Variants in MAPK6 observed in about 807,000 individuals in gnomAD.
MAPK6 encodes the protein ERK-3.
In MAPK6, 19 loss-of-function variants were observed where a neutral mutation model predicts 59.3. That is an observed-to-expected ratio of 0.32 (90% CI 0.22 to 0.47). The LOEUF is 0.47. MAPK6 is among the 20% of genes least tolerant of loss of function. MAPK6 has a pLI of 1.00. For missense variants in MAPK6, 724 were observed against 847.9 expected (o/e 0.85, Z 1.81); for synonymous variants, 316 against 290.3 (o/e 1.09, Z -0.90).
At chr15:51,980,491 C>G (rs933183321) in intron 1 of MAPK6, among the ~76,000 whole-genome samples, 6 of 146,962 alleles carry the variant, frequency 4.1e-5, no homozygotes, top group Non-Finnish European at 9.0e-5. Flanking sequence ...ATTTTCCTAC[C>G]AGTTTGGTAT....
chr15:51,978,324 G>A lies in MAPK6; in HGVS notation c.-879-4882G>A, dbSNP rs192175171. Among the ~76,000 whole-genome samples, 134 of 151,886 alleles carry A rather than the reference G, an allele frequency of 8.8e-4. 1 individual carries two copies. The highest frequency in any genetic ancestry group is 3.2e-3 in the Admixed American group (49 of 15,242). ...ATTTTTTGTATTTTTAGTAGAGACA[G>A]GGTTTTGGGATGTTGGCCAGGCTGG... On this transcript the variant is annotated intron_variant, in intron 1 of 7. Transcript: ENST00000691380.
chr15:51,973,754 G>A (rs1449987955), intron 1 of MAPK6, among the ~76,000 whole-genome samples: 2 of 151,832 alleles, frequency 1.3e-5, no homozygotes. Flanking sequence ...CCGGGTTCGA[G>A]TGATTCTCCT....
chr15:52,020,121 C>T (rs2030462093), intron 1 of MAPK6: 1 of 152,246 alleles, frequency 6.6e-6, no homozygotes, highest in Admixed American at 6.5e-5. Flanking sequence ...AAGTGGTGGT[C>T]TGTAAAAGTG....
chr15:51,975,866 A>T (rs1373602464), intron 1 of MAPK6, among the ~76,000 whole-genome samples: 2 of 151,922 alleles, frequency 1.3e-5, no homozygotes, highest in Non-Finnish European at 2.9e-5. Context: ...CATGATATTC[A>T]CTAACAGTCT....
chr15:52,003,420 TTTGGGCAACCCAGAAAAGGCACATCTTC>T (rs1275182836), intron 2 of MAPK6, among the ~76,000 whole-genome samples: 3 of 152,148 alleles, frequency 2.0e-5, no homozygotes, highest in Non-Finnish European at 4.4e-5. Context: ...AGTCATCAGA[TTTGGGCAACCCAGAAAAGGCACATCTTC>T]TTGGGCAAGG....
At chr15:52,056,397 G>A (rs556525572) in intron 3 of MAPK6, among the ~76,000 whole-genome samples, 3 of 152,254 alleles carry the variant, frequency 2.0e-5, no homozygotes, top group Non-Finnish European at 4.4e-5. Context: ...CTCAGCTACT[G>A]CCACATACTA....
At chr15:51,987,136 A>G (rs2057193301) in intron 2 of MAPK6, among the ~76,000 whole-genome samples, 1 of 152,228 alleles carries the variant, frequency 6.6e-6, no homozygotes, top group South Asian at 2.1e-4. Flanking sequence ...ACTGGAGATT[A>G]TGGGAGAATT....
intron 1 of MAPK6, among the ~76,000 whole-genome samples, chr15:52,038,996 C>G (rs1045604492): frequency 2.6e-5 from 4 of 152,126 alleles, no homozygotes; most frequent in Non-Finnish European, 4.4e-5. Flanking sequence ...TTTTGAATTT[C>G]TAATATGAAT....
At chr15:52,039,509 CTTTTTTTTTTTT>C (rs11341546) in intron 1 of MAPK6, among the ~76,000 whole-genome samples, 4 of 85,880 alleles carry the variant, frequency 4.7e-5, no homozygotes, top group South Asian at 3.9e-4. Context: ...AGTGTTTTGT[CTTTTTTTTTTTT>C]TTTTTTTTTT....
chr15:52,058,598 A>AG, intron 3 of MAPK6, 35 bp from the exon 4 acceptor site: 1 of 1,537,796 alleles, frequency 6.5e-7, no homozygotes, highest in Non-Finnish European at 8.8e-7. Flanking sequence ...GTAAACATTG[A>AG]GGAATGTGTT....
chr15:51,976,409 G>C (rs768297769), intron 1 of MAPK6, among the ~76,000 whole-genome samples: 3 of 151,672 alleles, frequency 2.0e-5, no homozygotes, highest in Non-Finnish European at 4.4e-5. Context: ...GAAGTGACCA[G>C]AGGGAACGCA....
chr15:51,990,286 C>T (rs546177035), intron 2 of MAPK6, among the ~76,000 whole-genome samples: 65 of 152,288 alleles, frequency 4.3e-4, no homozygotes, highest in Middle Eastern at 3.4e-3. Flanking sequence ...TAATGCCCAA[C>T]TTTGGAACAG....
chr15:52,061,387 A>G lies in MAPK6; in HGVS notation c.954A>G (p.Ile318Met), dbSNP rs769991884. 1 of 1,613,962 alleles carries G rather than the reference A, an allele frequency of 6.2e-7. No individual in the cohort carries two copies. The change falls in exon 5 of 6, where the codon ATA (isoleucine) becomes ATG (methionine). Residue 318 changes from isoleucine to methionine, a missense_variant. This residue lies in a region of MAPK6 where 502 missense variants were observed against 507.6 expected (regional missense o/e 0.99). Coordinates refer to ENST00000261845, the MANE Select transcript of MAPK6 (RefSeq NM_002748.4). ...EEALSHPYMS[I>M]YSFPMDEPIS... ...CACTCTCCCATCCTTACATGAGCATATATTCTTTTCCAATGGATGAGCCAA... is the reference window on the plus strand; with the variant it reads ...CACTCTCCCATCCTTACATGAGCATGTATTCTTTTCCAATGGATGAGCCAA...
chr15:52,026,871 G>C (rs1415334010), intron 1 of MAPK6, among the ~76,000 whole-genome samples: 1 of 148,798 alleles, frequency 6.7e-6, no homozygotes, highest in Non-Finnish European at 1.5e-5. Flanking sequence ...CCAACATGAT[G>C]AAAACCCGTC....
At chr15:51,988,424 A>G (rs1001535134) in intron 2 of MAPK6, among the ~76,000 whole-genome samples, 1 of 152,056 alleles carries the variant, frequency 6.6e-6, no homozygotes, top group African/African-American at 2.4e-5. Flanking sequence ...ATTACTGCAA[A>G]CTCGGTGGCT....
chr15:51,973,106 A>C (rs1193829548), intron 1 of MAPK6, among the ~76,000 whole-genome samples: 1 of 151,840 alleles, frequency 6.6e-6, no homozygotes, highest in African/African-American at 2.4e-5. Context: ...ATGAATATTT[A>C]GTTTGGAGAT....
intron 3 of MAPK6, 35 bp downstream of exon 3, chr15:52,050,172 G>A (rs758157447): frequency 7.0e-6 from 11 of 1,576,054 alleles, no homozygotes; most frequent in Non-Finnish European, 8.6e-6. Context: ...TTTTCCCAAA[G>A]AGAAGTAATT....
At chr15:52,051,560 T>C (rs953182671) in intron 3 of MAPK6, among the ~76,000 whole-genome samples, 2 of 152,236 alleles carry the variant, frequency 1.3e-5, no homozygotes, top group Non-Finnish European at 2.9e-5. Flanking sequence ...CAGCTCTTTA[T>C]AATTTTTTTC....
intron 1 of MAPK6, among the ~76,000 whole-genome samples, chr15:52,037,527 A>G (rs190260093): frequency 2.6e-5 from 4 of 152,270 alleles, no homozygotes; most frequent in African/African-American, 9.6e-5. Flanking sequence ...ATAGGATGCT[A>G]TTTCAGTGGC....
Sources: allele counts gnomAD v4.1 joint callset (sites outside exome capture counted in the v4.1 genomes callset), GRCh38; gene constraint gnomAD v4.1.1; regional missense constraint gnomAD v4.1.1; transcripts MANE v1.5; gene names NCBI Gene and HGNC (gene_info 2026-07-23, HGNC 2026-07-21).